MNAT1: variants seen among roughly 807,000 people sequenced by gnomAD.
MNAT1 encodes the protein CDK-activating kinase assembly factor MAT1.
MNAT1 carries 43 observed loss-of-function variants against 42.0 expected under a neutral mutation model. That is an observed-to-expected ratio of 1.02 (90% confidence interval 0.80 to 1.32). The LOEUF (loss-of-function observed/expected upper bound fraction) is 1.32, where lower values mean the gene tolerates loss of function less well. Ranked by LOEUF, MNAT1 falls within the 40% of genes most tolerant of loss-of-function variation. The pLI is 0.00. For missense variants in MNAT1, 306 were observed against 350.4 expected, an observed-to-expected ratio of 0.87 and a Z score of 1.01; for synonymous variants, 118 against 120.0, an observed-to-expected ratio of 0.98 and a Z score of 0.11.
chr14:60,843,364 G>A (rs1165962692), intron 6 of MNAT1, among the ~76,000 whole-genome samples: 1 of 152,006 alleles, frequency 6.6e-6, no homozygotes, highest in Middle Eastern at 3.2e-3. Context: ...TCCGCCTCCC[G>A]GGTTCACGCT....
At chr14:60,808,266 G>A (rs1374054800) in intron 3 of MNAT1, 59 bp from the exon 4 acceptor site, 1 of 1,051,890 alleles carries the variant, frequency 9.5e-7, no homozygotes, top group Non-Finnish European at 1.4e-6. Flanking sequence ...GTTTTTTATT[G>A]TCTACTCAAG....
chr14:60,953,223 C>G (rs540499111), intron 7 of MNAT1, among the ~76,000 whole-genome samples: 2 of 152,056 alleles, frequency 1.3e-5, no homozygotes, highest in African/African-American at 4.8e-5. Flanking sequence ...TGAATCTATA[C>G]AAATGTATTA....
At chr14:60,762,244 A>G (rs2030630741) in intron 1 of MNAT1, among the ~76,000 whole-genome samples, 1 of 152,222 alleles carries the variant, frequency 6.6e-6, no homozygotes. Flanking sequence ...AACCCTAAAG[A>G]ATTATTTGAT....
chr14:60,765,897 C>G (rs1336570371), intron 1 of MNAT1, among the ~76,000 whole-genome samples: 2 of 151,908 alleles, frequency 1.3e-5, no homozygotes, highest in African/African-American at 4.8e-5. Context: ...AAATTTAAAA[C>G]CTATAATCTT....
intron 7 of MNAT1, among the ~76,000 whole-genome samples, chr14:60,908,386 A>T (rs557340553): frequency 1.3e-5 from 2 of 152,070 alleles, no homozygotes; most frequent in Non-Finnish European, 2.9e-5. Flanking sequence ...TTTGTTACAT[A>T]TGTATACATG....
At position 60,873,127 on chromosome 14, in the gene MNAT1, A is replaced by T. The variant is rs941980616; in HGVS notation, c.688-6587A>T. ...ATGGCTGTTTTTTCCCTTCCAAATTAGTACTGAGCCAGTGACTCTCACTAT... is the reference window on the plus strand; with the variant it reads ...ATGGCTGTTTTTTCCCTTCCAAATTTGTACTGAGCCAGTGACTCTCACTAT... On this transcript the variant is annotated intron_variant, in intron 6 of 7. Coordinates refer to ENST00000261245, the MANE Select transcript of MNAT1 (RefSeq NM_002431.4). 1.3e-4 allele frequency among the ~76,000 whole-genome samples: 20 copies of T among 152,204 alleles called. No homozygotes were observed. The East Asian group carries it at 2.3e-3, about 18-fold the overall frequency.
At chr14:60,884,060 C>T (rs2034608353) in intron 7 of MNAT1, among the ~76,000 whole-genome samples, 3 of 151,998 alleles carry the variant, frequency 2.0e-5, no homozygotes. Flanking sequence ...TCCTTTATTT[C>T]TTTCTCCTGT....
chr14:60,965,398 T>C (rs553310727), intron 7 of MNAT1, among the ~76,000 whole-genome samples: 2 of 152,364 alleles, frequency 1.3e-5, no homozygotes, highest in East Asian at 3.9e-4. Context: ...TTTTATATAC[T>C]CTTTATGGAA....
chr14:60,876,007 T>G (rs1039668249), intron 6 of MNAT1, among the ~76,000 whole-genome samples: 5 of 152,020 alleles, frequency 3.3e-5, no homozygotes, highest in African/African-American at 1.2e-4. Context: ...CTCCTCTCTT[T>G]TACTCCTCTC....
chr14:60,793,077 G>A (rs2031880580), intron 1 of MNAT1, among the ~76,000 whole-genome samples: 1 of 151,370 alleles, frequency 6.6e-6, no homozygotes, highest in Admixed American at 6.6e-5. Context: ...GGAGTTCACT[G>A]GTATGATCAC....
At chr14:60,851,519 TTTAAA>T (rs1168896506) in intron 6 of MNAT1, among the ~76,000 whole-genome samples, 4 of 152,188 alleles carry the variant, frequency 2.6e-5, no homozygotes, top group Non-Finnish European at 4.4e-5. Flanking sequence ...ATTTCCAACT[TTTAAA>T]TTATTATTAT....
At chr14:60,862,146 AT>A (rs1192077766) in intron 6 of MNAT1, among the ~76,000 whole-genome samples, 1 of 152,182 alleles carries the variant, frequency 6.6e-6, no homozygotes, top group Non-Finnish European at 1.5e-5. Context: ...TTTACTAATT[AT>A]TTTATTACTT....
intron 7 of MNAT1, among the ~76,000 whole-genome samples, chr14:60,889,834 A>G (rs1203510792): frequency 6.6e-6 from 1 of 152,272 alleles, no homozygotes; most frequent in Non-Finnish European, 1.5e-5. Flanking sequence ...TATGCAGCCA[A>G]AAAACACATG....
chr14:60,734,991 G>C lies in MNAT1; in HGVS notation c.89+40G>C, dbSNP rs772176757. ...AGTGGATTCCCTGGGGGAGAGACGC[G>C]CTGGGTGGGAGGAGAGGACCGGGAG... is the stretch of plus-strand genomic sequence containing the variant. On this transcript the variant is annotated intron_variant, in intron 1 of 7. Transcript: ENST00000261245. This position sits in a 1 kb window ranked among gnomAD's most constrained non-coding sequence, Gnocchi z 4.3. The C allele has an allele frequency of 1.3e-6, 2 of 1,593,148 alleles. No homozygotes were observed. Among genetic ancestry groups the C allele is most frequent in the Non-Finnish European group, 8.6e-7 (1 of 1,161,032 alleles).
intron 7 of MNAT1, among the ~76,000 whole-genome samples, chr14:60,961,257 C>T (rs747800655): frequency 2.7e-4 from 41 of 152,174 alleles, no homozygotes; most frequent in Non-Finnish European, 4.3e-4. Context: ...CCACCGCGCC[C>T]GGCCATCAGC....
chr14:60,830,947 A>T (rs998924177), intron 6 of MNAT1, among the ~76,000 whole-genome samples: 12 of 152,076 alleles, frequency 7.9e-5, no homozygotes, highest in African/African-American at 2.9e-4. Flanking sequence ...AACTGAATGG[A>T]TACATTCCCA....
intron 7 of MNAT1, among the ~76,000 whole-genome samples, chr14:60,914,645 G>C (rs961430192): frequency 6.6e-6 from 1 of 151,974 alleles, no homozygotes; most frequent in South Asian, 2.1e-4. Context: ...CTGTGTTGTA[G>C]GTAGCTTCTG....
chr14:60,861,180 T>G (rs754299279), intron 6 of MNAT1, among the ~76,000 whole-genome samples: 20 of 152,152 alleles, frequency 1.3e-4, no homozygotes, highest in Non-Finnish European at 2.4e-4. Flanking sequence ...TATTTGAAGA[T>G]ATAACACTTG....
rs1294059283 is a variant in MNAT1 at position 60,917,689 on chromosome 14, C to G, written c.809+37854C>G. ...CCAGGCTGGAGTGGAGTGGCGTGAT[C>G]TCGGCTCACTGCAACCTCCACCTCC... On this transcript the variant is annotated intron_variant, in intron 7 of 7. Transcript: ENST00000261245. Among the ~76,000 whole-genome samples, 5 of 148,878 alleles carry G rather than the reference C, an allele frequency of 3.4e-5. 1 individual carries two copies. Among genetic ancestry groups the G allele is most frequent in the Non-Finnish European group, 7.4e-5 (5 of 67,662 alleles).
Sources: allele counts gnomAD v4.1 joint callset (sites outside exome capture counted in the v4.1 genomes callset), GRCh38; gene constraint gnomAD v4.1.1; non-coding constraint Gnocchi (gnomAD v3.1); transcripts MANE v1.5; gene names NCBI Gene and HGNC (gene_info 2026-07-23, HGNC 2026-07-21).